IPO11: variants seen among roughly 807,000 people sequenced by gnomAD.
The protein encoded by IPO11 is importin-11.
In IPO11, 66 loss-of-function variants were observed where a neutral mutation model predicts 143.2. The ratio of observed to expected loss-of-function variants is 0.46; its 90% CI spans 0.38 to 0.57. The LOEUF is 0.57. Among genes scored for constraint, IPO11 ranks in the 20% least tolerant of loss-of-function variants. The pLI, the probability that IPO11 is intolerant of heterozygous loss-of-function variation, is 0.00. For synonymous variants in IPO11, 385 were observed against 377.8 expected (o/e 1.02, Z -0.22); for missense variants, 1,026 against 1,141.0 (o/e 0.90, Z 1.45).
At chr5:62,513,344 G>A (rs1372894230) in intron 19 of IPO11, among the ~76,000 whole-genome samples, 1 of 139,538 alleles carries the variant, frequency 7.2e-6, no homozygotes, top group African/African-American at 2.6e-5. Flanking sequence ...AGACGGGGCG[G>A]CTGGCTGGGC....
chr5:62,623,387 G>A (rs1263388923), intron 29 of IPO11, among the ~76,000 whole-genome samples: 1 of 152,068 alleles, frequency 6.6e-6, no homozygotes, highest in East Asian at 1.9e-4. Context: ...CAATTATTTA[G>A]TATTTTTCTA....
At chr5:62,604,060 C>A (rs1041897882) in intron 29 of IPO11, among the ~76,000 whole-genome samples, 1 of 152,146 alleles carries the variant, frequency 6.6e-6, no homozygotes, top group Non-Finnish European at 1.5e-5. Context: ...GCTGTACCAT[C>A]TAGGTTTGTG....
chr5:62,517,465 C>T (rs1248299050), intron 20 of IPO11, among the ~76,000 whole-genome samples: 1 of 152,122 alleles, frequency 6.6e-6, no homozygotes, highest in African/African-American at 2.4e-5. Context: ...TGCAATGGTG[C>T]GATCTTGGCT....
intron 1 of IPO11, among the ~76,000 whole-genome samples, chr5:62,433,443 G>A (rs1744063932): frequency 6.6e-6 from 1 of 152,112 alleles, no homozygotes; most frequent in East Asian, 1.9e-4. Flanking sequence ...TATACTCTGG[G>A]CGCCAACTGG....
intron 9 of IPO11, among the ~76,000 whole-genome samples, chr5:62,479,084 C>G (rs1002450537): frequency 3.3e-5 from 5 of 152,162 alleles, no homozygotes; most frequent in African/African-American, 9.7e-5. Context: ...TATCCCTCCC[C>G]CATTCCACCA....
intron 29 of IPO11, among the ~76,000 whole-genome samples, chr5:62,619,660 T>C (rs1008149758): frequency 2.0e-5 from 3 of 152,094 alleles, no homozygotes; most frequent in African/African-American, 7.2e-5. Context: ...AAGACCATCC[T>C]GGTTAACACG....
At chr5:62,428,250 G>C (rs1197752480) in intron 1 of IPO11, among the ~76,000 whole-genome samples, 1 of 151,902 alleles carries the variant, frequency 6.6e-6, no homozygotes, top group African/African-American at 2.4e-5. Flanking sequence ...GGCTGATCTT[G>C]AACTCCTGAG....
intron 27 of IPO11, among the ~76,000 whole-genome samples, chr5:62,588,494 A>G (rs1407933673): frequency 6.6e-6 from 1 of 152,166 alleles, no homozygotes; most frequent in Non-Finnish European, 1.5e-5. Context: ...CAGCCTCCCG[A>G]AGTGCTGGAA....
chr5:62,438,740 G>A (rs1351441633), intron 2 of IPO11, among the ~76,000 whole-genome samples: 2 of 145,560 alleles, frequency 1.4e-5, no homozygotes, highest in African/African-American at 5.1e-5. Context: ...CAACAAGAAC[G>A]AAACTCCATC....
chr5:62,456,005 G>A (rs528956379), intron 5 of IPO11, among the ~76,000 whole-genome samples: 7 of 152,114 alleles, frequency 4.6e-5, no homozygotes, highest in South Asian at 2.1e-4. Context: ...GATTACAGGC[G>A]TGTACCACTG....
chr5:62,502,025 T>C (rs1741363386), intron 16 of IPO11, among the ~76,000 whole-genome samples: 1 of 152,192 alleles, frequency 6.6e-6, no homozygotes, highest in Admixed American at 6.5e-5. Flanking sequence ...TCCACCTAAG[T>C]GTCTTGATAA....
At chr5:62,452,514 T>G (rs1744969926) in intron 5 of IPO11, among the ~76,000 whole-genome samples, 1 of 150,858 alleles carries the variant, frequency 6.6e-6, no homozygotes, top group Non-Finnish European at 1.5e-5. Flanking sequence ...AGGGAACAAT[T>G]AGGTGGGCAT....
chr5:62,515,493 C>A lies in IPO11; in HGVS notation c.1888C>A (p.Leu630Ile). 2 of 1,595,908 alleles carry A rather than the reference C, an allele frequency of 1.3e-6. No individual in the cohort carries two copies. Among genetic ancestry groups the A allele is most frequent in the Non-Finnish European group, 1.7e-6 (2 of 1,171,124 alleles). ...RCAILTTLIH[L>I]VQGLGADSKN... ...TGCTATTTTGACAACACTTATTCAT[C>A]TTGTTCAGGTAAGTCACTTCTCCAC... is the stretch of plus-strand genomic sequence containing the variant. Residue 630 changes from leucine (L) to isoleucine (I), a missense_variant, in exon 20 of 30, where the codon CTT becomes ATT. Transcript: ENST00000325324.
At position 62,599,645 on chromosome 5, in the gene IPO11, T is replaced by G. The variant is rs139091935; in HGVS notation, c.2679-2119T>G. 6.0e-3 allele frequency among the ~76,000 whole-genome samples: 915 copies of G among 152,348 alleles called. 14 individuals are homozygous for G. Among genetic ancestry groups the G allele is most frequent in the African/African-American group, 0.021 (871 of 41,574 alleles). ...TTTCTTCTTGAGAAAGATTCTTATT[T>G]AGCAGGCTGGAGTGCCTGGATCTAT... On this transcript the variant is annotated intron_variant, in intron 28 of 29. Coordinates refer to ENST00000325324, the MANE Select transcript of IPO11 (RefSeq NM_016338.5).
At chr5:62,581,153 T>TCC in intron 27 of IPO11, 1 of 1,551,098 alleles carries the variant, frequency 6.4e-7, no homozygotes, top group Non-Finnish European at 8.7e-7. Context: ...TACTACAGCT[T>TCC]TTATCAGTCA....
chr5:62,586,431 T>A (rs1449037945), intron 27 of IPO11, among the ~76,000 whole-genome samples: 1 of 152,084 alleles, frequency 6.6e-6, no homozygotes, highest in African/African-American at 2.4e-5. Context: ...TACAAGACTT[T>A]TCCAGGAATT....
intron 19 of IPO11, among the ~76,000 whole-genome samples, chr5:62,508,419 A>T: frequency 6.7e-6 from 1 of 149,514 alleles, no homozygotes; most frequent in Non-Finnish European, 1.5e-5. Context: ...AAGTGCTGGG[A>T]TTACAGATGA....
At position 62,494,031 on chromosome 5, in the gene IPO11, C is replaced by T; in HGVS notation, c.1497C>T (p.Leu499=). The T allele has an allele frequency of 6.2e-7, 1 of 1,613,154 alleles. No individual in the cohort carries two copies. The highest frequency in any genetic ancestry group is 8.5e-7 in the Non-Finnish European group (1 of 1,179,526). Reference sequence around the variant, plus strand: ...CATTGCGACGCAGGGTGATTTGGCTCATCGGTCAGTGGATTTCTGTGAAAT... The same window carrying T: ...CATTGCGACGCAGGGTGATTTGGCTTATCGGTCAGTGGATTTCTGTGAAAT... ...YKPLRRRVIW[L]IGQWISVKFK... Residue 499 remains leucine (L), a synonymous_variant, in exon 16 of 30, where the codon CTC becomes CTT. Coordinates refer to ENST00000325324, the MANE Select transcript of IPO11 (RefSeq NM_016338.5).
chr5:62,596,971 A>G (rs1269357337), intron 28 of IPO11, among the ~76,000 whole-genome samples: 1 of 152,152 alleles, frequency 6.6e-6, no homozygotes, highest in African/African-American at 2.4e-5. Flanking sequence ...TCCTTCGCAA[A>G]TATCTACCTC....
Sources: gnomAD v4.1 joint callset for allele counts (sites outside exome capture counted in the v4.1 genomes callset) on GRCh38, gnomAD v4.1.1 for gene constraint, MANE v1.5 for transcripts, NCBI Gene and HGNC (gene_info 2026-07-23, HGNC 2026-07-21) for gene names.